The following GALNT13 variants were observed in gnomAD, a reference collection of about 807,000 sequenced individuals.
GALNT13 encodes polypeptide N-acetylgalactosaminyltransferase 13.
Under a neutral mutation model 64.2 loss-of-function variants are expected in GALNT13, and 28 were observed. That is an observed-to-expected ratio of 0.44 (90% CI 0.32 to 0.60). The LOEUF is 0.60. GALNT13 is among the 20% of genes least tolerant of loss of function. The pLI is 0.05. For missense variants in GALNT13, 577 were observed against 669.8 expected (o/e 0.86, Z 1.53); for synonymous variants, 214 against 224.6 (o/e 0.95, Z 0.42).
the GALNT13 span, among the ~76,000 whole-genome samples, chr2:153,491,599 T>TATTG: frequency 1.3e-5 from 1 of 78,298 alleles, no homozygotes; most frequent in African/African-American, 4.9e-5. Context: ...ATATTATATT[T>TATTG]ATTTATTTAT....
chr2:153,232,710 G>T, the GALNT13 span, among the ~76,000 whole-genome samples: 6 of 152,330 alleles, frequency 3.9e-5, no homozygotes, highest in East Asian at 1.2e-3. Context: ...TTTGGAATGT[G>T]GCTCTACCAC....
the GALNT13 span, among the ~76,000 whole-genome samples, chr2:153,824,769 G>A: frequency 6.6e-6 from 1 of 152,004 alleles, no homozygotes; most frequent in Non-Finnish European, 1.5e-5. Context: ...CCCCTTTAAT[G>A]CTGTTCTCAT....
chr2:154,177,308 G>A (rs1032293272), intron 4 of GALNT13, among the ~76,000 whole-genome samples: 1 of 148,020 alleles, frequency 6.8e-6, no homozygotes, highest in Non-Finnish European at 1.5e-5. Flanking sequence ...GCTTAGAAAG[G>A]TTATATATAG....
the GALNT13 span, among the ~76,000 whole-genome samples, chr2:153,326,001 T>C: frequency 6.6e-6 from 1 of 152,204 alleles, no homozygotes; most frequent in Non-Finnish European, 1.5e-5. Context: ...GTTCTGTAGA[T>C]GTCTATTAGG....
chr2:154,277,036 T>C (rs1691688353), intron 8 of GALNT13, among the ~76,000 whole-genome samples: 1 of 152,310 alleles, frequency 6.6e-6, no homozygotes, highest in South Asian at 2.1e-4. Flanking sequence ...GGGAACAGAC[T>C]AATACACTCC....
intron 3 of GALNT13, among the ~76,000 whole-genome samples, chr2:154,011,515 C>A (rs1696635861): frequency 6.6e-6 from 1 of 152,046 alleles, no homozygotes; most frequent in Admixed American, 6.6e-5. Flanking sequence ...CAGTACATTT[C>A]ATGTGCAGAT....
At chr2:154,214,506 C>G (rs1243452539) in intron 4 of GALNT13, among the ~76,000 whole-genome samples, 1 of 152,060 alleles carries the variant, frequency 6.6e-6, no homozygotes, top group Non-Finnish European at 1.5e-5. Context: ...CAAATCTCAC[C>G]TTGATTGTAA....
At chr2:153,258,830 T>C in the GALNT13 span, among the ~76,000 whole-genome samples, 1 of 152,216 alleles carries the variant, frequency 6.6e-6, no homozygotes, top group Non-Finnish European at 1.5e-5. Flanking sequence ...AGATACTTGA[T>C]ATAATTTCAT....
the GALNT13 span, among the ~76,000 whole-genome samples, chr2:153,653,774 C>A: frequency 7.9e-5 from 12 of 152,054 alleles, no homozygotes; most frequent in African/African-American, 2.7e-4. Flanking sequence ...AACAGCCTAA[C>A]ATTTTTTCTG....
At chr2:153,512,787 T>A in the GALNT13 span, among the ~76,000 whole-genome samples, 1 of 152,216 alleles carries the variant, frequency 6.6e-6, no homozygotes, top group African/African-American at 2.4e-5. Context: ...TTGTTATTAT[T>A]ATTACTCATT....
At chr2:153,402,716 G>A in the GALNT13 span, among the ~76,000 whole-genome samples, 17 of 151,750 alleles carry the variant, frequency 1.1e-4, no homozygotes, top group Non-Finnish European at 1.6e-4. Context: ...CCTGTTGATC[G>A]CATTGGCTCC....
At chr2:154,058,520 A>G (rs140093814) in intron 3 of GALNT13, among the ~76,000 whole-genome samples, 1 of 152,324 alleles carries the variant, frequency 6.6e-6, no homozygotes, top group Non-Finnish European at 1.5e-5. Context: ...TGGTGTGATG[A>G]AGGGAATCTT....
chr2:153,225,428 A>G, the GALNT13 span, among the ~76,000 whole-genome samples: 1 of 152,210 alleles, frequency 6.6e-6, no homozygotes, highest in Non-Finnish European at 1.5e-5. Flanking sequence ...AATGTTGGGA[A>G]CAAGGCAAGG....
chr2:153,928,929 A>G (rs1690327735), intron 2 of GALNT13, among the ~76,000 whole-genome samples: 1 of 152,090 alleles, frequency 6.6e-6, no homozygotes, highest in African/African-American at 2.4e-5. Context: ...TTCTCTGTAA[A>G]TTTATCTCCA....
the GALNT13 span, among the ~76,000 whole-genome samples, chr2:153,299,463 A>G: frequency 4.6e-5 from 7 of 152,226 alleles, no homozygotes; most frequent in Non-Finnish European, 8.8e-5. Context: ...CTGTTAGTCA[A>G]CCCAGACCTG....
At chr2:154,370,650 G>A (rs1041379898) in intron 9 of GALNT13, among the ~76,000 whole-genome samples, 1 of 152,044 alleles carries the variant, frequency 6.6e-6, no homozygotes, top group African/African-American at 2.4e-5. Flanking sequence ...GTTGGGTTGG[G>A]CTAGATCCAG....
At chr2:153,606,720 T>C in the GALNT13 span, among the ~76,000 whole-genome samples, 1 of 152,060 alleles carries the variant, frequency 6.6e-6, no homozygotes, top group East Asian at 1.9e-4. Flanking sequence ...ACAAGCCATA[T>C]GGCCCAGAGT....
the GALNT13 span, among the ~76,000 whole-genome samples, chr2:153,417,146 A>T: frequency 6.6e-6 from 1 of 152,214 alleles, no homozygotes; most frequent in African/African-American, 2.4e-5. Flanking sequence ...TAGGAGAAGA[A>T]AAGAGACAGT....
the GALNT13 span, among the ~76,000 whole-genome samples, chr2:153,632,601 A>G: frequency 2.0e-5 from 3 of 152,104 alleles, no homozygotes; most frequent in Admixed American, 6.6e-5. Context: ...CAATAGTTTT[A>G]CCTTTTTTAT....
Sources: allele counts gnomAD v4.1 joint callset (sites outside exome capture counted in the v4.1 genomes callset), GRCh38; gene constraint gnomAD v4.1.1; transcripts MANE v1.5; gene names NCBI Gene and HGNC (gene_info 2026-07-23, HGNC 2026-07-21).